The following DENND1A variants were observed in gnomAD, a reference collection of about 807,000 sequenced individuals.
DENND1A encodes the protein DENN domain-containing protein 1A.
In DENND1A, 51 loss-of-function variants were observed where a neutral mutation model predicts 113.7. The ratio of observed to expected loss-of-function variants is 0.45; its 90% CI spans 0.36 to 0.57. The LOEUF is 0.57. DENND1A is among the 20% of genes least tolerant of loss of function. The pLI, the probability that DENND1A is intolerant of heterozygous loss-of-function variation, is 0.00. For missense variants in DENND1A, 1,258 were observed against 1,395.9 expected (o/e 0.90, Z 1.57); for synonymous variants, 565 against 570.8 (o/e 0.99, Z 0.14).
intron 1 of DENND1A, among the ~76,000 whole-genome samples, chr9:123,912,220 G>C (rs1263276313): frequency 6.6e-6 from 1 of 152,044 alleles, no homozygotes; most frequent in Non-Finnish European, 1.5e-5. Context: ...ATCTACATTA[G>C]AAATAACAAA....
chr9:123,774,532 T>C (rs1830193223), intron 3 of DENND1A, among the ~76,000 whole-genome samples: 1 of 152,130 alleles, frequency 6.6e-6, no homozygotes, highest in Non-Finnish European at 1.5e-5. Context: ...AGATCCATAG[T>C]ATAATTACAA....
intron 21 of DENND1A, among the ~76,000 whole-genome samples, chr9:123,402,786 C>CCACT (rs1264218859): frequency 1.3e-5 from 2 of 152,262 alleles, no homozygotes; most frequent in African/African-American, 4.8e-5. Context: ...CCACTTCAGT[C>CCACT]CACTGCTTGT....
intron 19 of DENND1A, among the ~76,000 whole-genome samples, chr9:123,427,305 G>C (rs998942884): frequency 2.0e-5 from 3 of 152,246 alleles, no homozygotes; most frequent in African/African-American, 4.8e-5. Flanking sequence ...CACAGATGTG[G>C]CACAGAGTAG....
chr9:123,431,102 C>T (rs999856511), intron 19 of DENND1A, among the ~76,000 whole-genome samples: 3 of 152,200 alleles, frequency 2.0e-5, no homozygotes, highest in Non-Finnish European at 4.4e-5. Flanking sequence ...CCAACAATTT[C>T]TCTTTTGGAT....
chr9:123,916,579 G>C (rs1471760109), intron 1 of DENND1A, among the ~76,000 whole-genome samples: 1 of 151,996 alleles, frequency 6.6e-6, no homozygotes, highest in East Asian at 1.9e-4. Flanking sequence ...CTCCATGTGG[G>C]TCAGGCTGGT....
At chr9:123,468,557 C>A (rs1433070913) in intron 13 of DENND1A, among the ~76,000 whole-genome samples, 1 of 152,182 alleles carries the variant, frequency 6.6e-6, no homozygotes, top group Non-Finnish European at 1.5e-5. Flanking sequence ...TTAAATGCCT[C>A]CAAATTCCCT....
intron 11 of DENND1A, among the ~76,000 whole-genome samples, chr9:123,606,384 GC>G (rs2060155684): frequency 6.6e-6 from 1 of 152,144 alleles, no homozygotes. Context: ...AATCAGCAGG[GC>G]TAAGATCTAT....
intron 13 of DENND1A, among the ~76,000 whole-genome samples, chr9:123,516,909 A>AAAAAAAAAAAAAAC (rs1173480563): frequency 9.7e-6 from 1 of 103,180 alleles, no homozygotes; most frequent in Non-Finnish European, 2.3e-5. Context: ...AAAAAAAAAA[A>AAAAAAAAAAAAAAC]AAAAAAAAAA....
At chr9:123,716,210 T>G (rs926105033) in intron 5 of DENND1A, among the ~76,000 whole-genome samples, 2 of 152,216 alleles carry the variant, frequency 1.3e-5, no homozygotes, top group Non-Finnish European at 2.9e-5. Flanking sequence ...CTGCAATCAT[T>G]GTTTTTCAGT....
At chr9:123,879,312 C>T (rs1157414164) in intron 1 of DENND1A, among the ~76,000 whole-genome samples, 1 of 152,100 alleles carries the variant, frequency 6.6e-6, no homozygotes, top group African/African-American at 2.4e-5. Context: ...GTGGGAGGAT[C>T]ACTTGAGGCC....
At chr9:123,748,135 A>G (rs1455988353) in intron 5 of DENND1A, among the ~76,000 whole-genome samples, 3 of 152,238 alleles carry the variant, frequency 2.0e-5, no homozygotes, top group African/African-American at 7.2e-5. Flanking sequence ...ACACAAATAA[A>G]TTATGTAGTT....
intron 13 of DENND1A, among the ~76,000 whole-genome samples, chr9:123,460,269 T>C (rs1485593649): frequency 6.6e-6 from 1 of 152,260 alleles, no homozygotes; most frequent in Admixed American, 6.5e-5. Flanking sequence ...AGAAACCAGC[T>C]AGTGATAACT....
At chr9:123,758,797 T>C (rs145621814) in intron 4 of DENND1A, among the ~76,000 whole-genome samples, 1 of 152,136 alleles carries the variant, frequency 6.6e-6, no homozygotes, top group Non-Finnish European at 1.5e-5. Flanking sequence ...TTACAGAAAC[T>C]CTTTGTTTTG....
At chr9:123,863,111 T>C (rs1157060947) in intron 2 of DENND1A, among the ~76,000 whole-genome samples, 1 of 152,346 alleles carries the variant, frequency 6.6e-6, no homozygotes, top group East Asian at 1.9e-4. Context: ...CCAATGGCCC[T>C]ACTTAGAGAA....
At chr9:123,727,072 T>A (rs1341547385) in intron 5 of DENND1A, among the ~76,000 whole-genome samples, 2 of 152,212 alleles carry the variant, frequency 1.3e-5, no homozygotes, top group Admixed American at 1.3e-4. Flanking sequence ...AACGGGATGA[T>A]CAGCATTAAA....
At chr9:123,701,188 A>C (rs2065863127) in intron 5 of DENND1A, among the ~76,000 whole-genome samples, 1 of 152,216 alleles carries the variant, frequency 6.6e-6, no homozygotes, top group African/African-American at 2.4e-5. Flanking sequence ...AAATTGATAG[A>C]AGGTAGAGCA....
chr9:123,517,342 C>A (rs917146300), intron 13 of DENND1A, among the ~76,000 whole-genome samples: 31 of 151,792 alleles, frequency 2.0e-4, no homozygotes, highest in African/African-American at 7.5e-4. Context: ...AAGGGAGGGC[C>A]GGGCATGGTG....
At chr9:123,403,363 A>G (rs2131329909) in intron 21 of DENND1A, 39 bp downstream of exon 21, 1 of 1,606,778 alleles carries the variant, frequency 6.2e-7, no homozygotes, top group Non-Finnish European at 8.5e-7. Context: ...CCGCAGACAC[A>G]GGGTTCTTAC....
chr9:123,434,113 G>A (rs2046341067), intron 19 of DENND1A, among the ~76,000 whole-genome samples: 2 of 152,204 alleles, frequency 1.3e-5, no homozygotes, highest in Non-Finnish European at 2.9e-5. Flanking sequence ...TGCAACCTCT[G>A]CCTCCCGGGT....
Sources: allele counts gnomAD v4.1 joint callset (sites outside exome capture counted in the v4.1 genomes callset), GRCh38; gene constraint gnomAD v4.1.1; transcripts MANE v1.5; gene names NCBI Gene and HGNC (gene_info 2026-07-23, HGNC 2026-07-21).